SDCCAG8: variants seen among roughly 807,000 people sequenced by gnomAD.
The protein encoded by SDCCAG8 is serologically defined colon cancer antigen 8.
Under a neutral mutation model 101.8 loss-of-function variants are expected in SDCCAG8, and 74 were observed. The ratio of observed to expected loss-of-function variants is 0.73; its 90% CI spans 0.60 to 0.88. SDCCAG8 has a LOEUF of 0.88. SDCCAG8 is among the 40% of genes least tolerant of loss of function. SDCCAG8 has a pLI of 0.00. For synonymous variants in SDCCAG8, 281 were observed against 292.9 expected (o/e 0.96, Z 0.41); for missense variants, 787 against 822.6 (o/e 0.96, Z 0.53).
intron 9 of SDCCAG8, among the ~76,000 whole-genome samples, chr1:243,322,617 C>T (rs187280332): frequency 4.0e-5 from 6 of 151,650 alleles, no homozygotes; most frequent in African/African-American, 9.7e-5. Context: ...TAGCATCTTG[C>T]GTAGATCTCA....
chr1:243,330,406 CAAT>C, intron 9 of SDCCAG8, 131 bp from the exon 10 acceptor site: 1 of 816,234 alleles, frequency 1.2e-6, no homozygotes, highest in Non-Finnish European at 2.0e-6. Flanking sequence ...TATTGATAAA[CAAT>C]AAAAAATTAT....
intron 4 of SDCCAG8, among the ~76,000 whole-genome samples, chr1:243,284,093 C>T (rs1028493685): frequency 6.6e-6 from 1 of 152,168 alleles, no homozygotes; most frequent in African/African-American, 2.4e-5. Flanking sequence ...AACATCTTTG[C>T]CTTATCTCAG....
intron 13 of SDCCAG8, among the ~76,000 whole-genome samples, chr1:243,393,931 A>G (rs1227928313): frequency 6.6e-6 from 1 of 152,198 alleles, no homozygotes; most frequent in Non-Finnish European, 1.5e-5. Context: ...TGTGGGTTGA[A>G]CATCAAAATA....
At chr1:243,299,257 A>G (rs552289180) in intron 6 of SDCCAG8, among the ~76,000 whole-genome samples, 1 of 152,284 alleles carries the variant, frequency 6.6e-6, no homozygotes, top group Admixed American at 6.5e-5. Context: ...TTTTGATTCA[A>G]TGTCACTTTC....
chr1:243,330,530 A>G lies in SDCCAG8; in HGVS notation c.1069-10A>G. ...CTAACCTCCTCTTTCAATCTGTTCT[A>G]TCCTGGCAGGCTTTAATCCAGTGTG... On this transcript the variant is annotated splice_polypyrimidine_tract_variant and intron_variant, in intron 9 of 17. Coordinates refer to ENST00000366541, the MANE Select transcript of SDCCAG8 (RefSeq NM_006642.5). The G allele has an allele frequency of 6.2e-7, 1 of 1,614,054 alleles. No homozygotes were observed. The highest frequency in any genetic ancestry group is 1.1e-5 in the South Asian group (1 of 91,078).
chr1:243,481,237 T>G (rs548592744), intron 16 of SDCCAG8, among the ~76,000 whole-genome samples: 1 of 152,092 alleles, frequency 6.6e-6, no homozygotes, highest in Admixed American at 6.5e-5. Flanking sequence ...GAAGGTCTGA[T>G]GGAGGAGGAA....
chr1:243,282,165 T>A lies in SDCCAG8; in HGVS notation c.421-4107T>A, dbSNP rs180977277. ...ACCAGCTAATTTTTGTATGATTGCA[T>A]TTTTTTCCAATTCACATATCAATTG... On this transcript the variant is annotated intron_variant, in intron 4 of 17. Coordinates refer to ENST00000366541, the MANE Select transcript of SDCCAG8 (RefSeq NM_006642.5). Among the ~76,000 whole-genome samples the A allele has an allele frequency of 1.6e-3, 245 of 152,098 alleles. 3 individuals are homozygous for A. The highest frequency in any genetic ancestry group is 5.8e-3 in the African/African-American group (239 of 41,486).
chr1:243,480,927 A>G (rs1378866058), intron 16 of SDCCAG8, among the ~76,000 whole-genome samples: 1 of 150,198 alleles, frequency 6.7e-6, no homozygotes, highest in African/African-American at 2.5e-5. Flanking sequence ...AGAGGTTCAG[A>G]AGGCCTAGAG....
chr1:243,496,067 AGAT>A (rs1192367067), intron 17 of SDCCAG8, among the ~76,000 whole-genome samples: 1 of 152,260 alleles, frequency 6.6e-6, no homozygotes, highest in African/African-American at 2.4e-5. Context: ...AGCCCAGCAC[AGAT>A]GATTATGAAA....
At chr1:243,499,465 T>C (rs1306747821) in intron 17 of SDCCAG8, among the ~76,000 whole-genome samples, 1 of 152,188 alleles carries the variant, frequency 6.6e-6, no homozygotes, top group East Asian at 1.9e-4. Context: ...GATGGCTCTC[T>C]GGCCATGTCC....
chr1:243,473,935 G>T, intron 16 of SDCCAG8, among the ~76,000 whole-genome samples: 2 of 105,710 alleles, frequency 1.9e-5, no homozygotes, highest in Non-Finnish European at 4.0e-5. Context: ...GGGGGGGGGG[G>T]GGGGCCGGGG....
chr1:243,351,393 A>G (rs2076074865), intron 12 of SDCCAG8, among the ~76,000 whole-genome samples: 1 of 152,330 alleles, frequency 6.6e-6, no homozygotes, highest in South Asian at 2.1e-4. Context: ...TAGGGAGTTT[A>G]TATTCTAGTT....
At chr1:243,286,511 A>T (rs894700289) in intron 5 of SDCCAG8, 114 bp downstream of exon 5, 1 of 1,103,040 alleles carries the variant, frequency 9.1e-7, no homozygotes, top group Middle Eastern at 2.0e-4. Context: ...CCAAAGTACT[A>T]TGTTGGTATT....
At position 243,280,869 on chromosome 1, in the gene SDCCAG8, G is replaced by A. The variant is rs376771591; in HGVS notation, c.421-5403G>A. The stretch of plus-strand genomic sequence containing the variant: ...TGTTCTGTGTGAGCCTGAAGAAAAC[G>A]TGTGTACTGCTGTTCTTGGATGAAG... On this transcript the variant is annotated intron_variant, in intron 4 of 17. Transcript: ENST00000366541. Among the ~76,000 whole-genome samples, 6 of 152,308 alleles carry A rather than the reference G, an allele frequency of 3.9e-5. No homozygotes were observed. In the South Asian group the frequency reaches 8.3e-4, roughly 21 times the overall value.
At chr1:243,327,660 A>G (rs1428073197) in intron 9 of SDCCAG8, among the ~76,000 whole-genome samples, 1 of 152,074 alleles carries the variant, frequency 6.6e-6, no homozygotes, top group African/African-American at 2.4e-5. Context: ...GGATTCTGAA[A>G]CTAGGAGAAG....
chr1:243,414,487 C>A (rs1002021988), intron 13 of SDCCAG8, among the ~76,000 whole-genome samples: 3 of 152,018 alleles, frequency 2.0e-5, no homozygotes, highest in African/African-American at 7.2e-5. Context: ...TTAGCATGGA[C>A]CCCCGATGAT....
intron 13 of SDCCAG8, among the ~76,000 whole-genome samples, chr1:243,410,379 T>C (rs1324730738): frequency 1.3e-5 from 2 of 152,206 alleles, no homozygotes; most frequent in African/African-American, 4.8e-5. Flanking sequence ...ACCCAGCACC[T>C]CCCTGCCCCT....
chr1:243,284,905 C>T (rs1198578914), intron 4 of SDCCAG8, among the ~76,000 whole-genome samples: 5 of 150,812 alleles, frequency 3.3e-5, no homozygotes, highest in Admixed American at 2.6e-4. Flanking sequence ...TTTTTTGAGA[C>T]GGAGTCTCGC....
chr1:243,301,852 AT>A (rs1301001776), intron 6 of SDCCAG8, among the ~76,000 whole-genome samples: 1 of 152,224 alleles, frequency 6.6e-6, no homozygotes, highest in Non-Finnish European at 1.5e-5. Context: ...TGGTTTGATA[AT>A]TTTAGGAAGA....
Sources: allele counts gnomAD v4.1 joint callset (sites outside exome capture counted in the v4.1 genomes callset), GRCh38; gene constraint gnomAD v4.1.1; transcripts MANE v1.5; gene names NCBI Gene and HGNC (gene_info 2026-07-23, HGNC 2026-07-21).